DACH2: variants seen among roughly 807,000 people sequenced by gnomAD.
DACH2 encodes dachshund family transcription factor 2, also known as dachshund homolog 2.
Under a neutral mutation model 35.8 loss-of-function variants are expected in DACH2, and 17 were observed. The observed-to-expected ratio is 0.48, with a 90% CI of 0.33 to 0.71. The LOEUF is 0.71. Ranked by LOEUF, DACH2 falls within the 30% of genes least tolerant of loss-of-function variation. The pLI is 0.02. For missense variants in DACH2, 469 were observed against 472.7 expected, an observed-to-expected ratio of 0.99 and a Z score of 0.07; for synonymous variants, 195 against 177.3, an observed-to-expected ratio of 1.10 and a Z score of -0.79.
intron 2 of DACH2, among the ~76,000 whole-genome samples, chrX:86,419,674 T>A (rs1231018000): frequency 8.9e-6 from 1 of 111,922 alleles, no homozygotes; most frequent in Non-Finnish European, 1.9e-5. Context: ...ATGGTTAGCT[T>A]TTGTGATGTA....
chrX:86,568,359 G>T (rs80319591), intron 3 of DACH2, among the ~76,000 whole-genome samples: 2 of 111,099 alleles, frequency 1.8e-5, no homozygotes, highest in African/African-American at 6.5e-5. Flanking sequence ...GTGAGTGACT[G>T]GGAGCCTGCA....
intron 6 of DACH2, among the ~76,000 whole-genome samples, chrX:86,722,116 A>G (rs1293691503): frequency 8.9e-6 from 1 of 111,781 alleles, no homozygotes; most frequent in African/African-American, 3.3e-5. Context: ...GTCTTGTTCC[A>G]GTTCTTAGAA....
At chrX:86,513,853 A>G (rs1319726985) in intron 2 of DACH2, among the ~76,000 whole-genome samples, 2 of 111,058 alleles carry the variant, frequency 1.8e-5, no homozygotes, top group African/African-American at 6.5e-5. Context: ...GCTCTTTACT[A>G]TTCACCTCTG....
At chrX:86,335,828 G>C (rs994240761) in intron 1 of DACH2, among the ~76,000 whole-genome samples, 1 of 111,882 alleles carries the variant, frequency 8.9e-6, no homozygotes, top group South Asian at 3.7e-4. Context: ...TCTTGTGCTG[G>C]TTGTCATAGG....
At chrX:86,292,879 G>A (rs2034339063) in intron 1 of DACH2, among the ~76,000 whole-genome samples, 1 of 107,122 alleles carries the variant, frequency 9.3e-6, no homozygotes, top group Non-Finnish European at 1.9e-5. Flanking sequence ...GTGTGGTGTG[G>A]TGCTGAAGAA....
chrX:86,703,819 A>G, intron 5 of DACH2, among the ~76,000 whole-genome samples: 1 of 112,225 alleles, frequency 8.9e-6, no homozygotes, highest in Non-Finnish European at 1.9e-5. Context: ...GATGACACAA[A>G]CAAATGGAAA....
chrX:86,725,254 T>C (rs1291773), intron 6 of DACH2, among the ~76,000 whole-genome samples: 25,481 of 110,621 alleles, frequency 0.23, 2,426 homozygotes, highest in Admixed American at 0.44. Flanking sequence ...TTCCTTGCTT[T>C]TCATGTTTCC....
intron 1 of DACH2, among the ~76,000 whole-genome samples, chrX:86,365,321 C>A (rs1202585374): frequency 1.2e-5 from 1 of 82,767 alleles, no homozygotes; most frequent in African/African-American, 4.4e-5. Context: ...GAGATAAAGG[C>A]GAAAAACTTG....
chrX:86,544,895 T>C (rs2148303127), intron 3 of DACH2, among the ~76,000 whole-genome samples: 1 of 112,283 alleles, frequency 8.9e-6, no homozygotes, highest in East Asian at 2.8e-4. Flanking sequence ...CTCCACCCCC[T>C]GGGTTCAAGC....
chrX:86,689,106 T>C (rs2040981057), intron 4 of DACH2, among the ~76,000 whole-genome samples: 1 of 111,493 alleles, frequency 9.0e-6, no homozygotes, highest in Non-Finnish European at 1.9e-5. Flanking sequence ...TGTTTTAAAG[T>C]AAAAGAGGAG....
chrX:86,283,122 G>T (rs1269826182), intron 1 of DACH2, among the ~76,000 whole-genome samples: 1 of 97,780 alleles, frequency 1.0e-5, no homozygotes, highest in Non-Finnish European at 2.0e-5. Flanking sequence ...ACAAACATAT[G>T]AGGAAAAGCT....
intron 1 of DACH2, among the ~76,000 whole-genome samples, chrX:86,365,038 T>G (rs2035787866): frequency 8.9e-6 from 1 of 111,825 alleles, no homozygotes; most frequent in Admixed American, 9.5e-5. Context: ...AAAGCCAGAA[T>G]GACTAACAGG....
chrX:86,651,913 C>T (rs2040483064), intron 4 of DACH2, among the ~76,000 whole-genome samples: 1 of 111,329 alleles, frequency 9.0e-6, no homozygotes, highest in Non-Finnish European at 1.9e-5. Context: ...AGGATGGACA[C>T]ATAAATAAAG....
At chrX:86,377,715 T>A (rs2035990012) in intron 2 of DACH2, among the ~76,000 whole-genome samples, 1 of 110,644 alleles carries the variant, frequency 9.0e-6, no homozygotes, top group Non-Finnish European at 1.9e-5. Context: ...ATGCAGGCTT[T>A]ATCCATATTT....
intron 2 of DACH2, among the ~76,000 whole-genome samples, chrX:86,395,810 C>A (rs2036277446): frequency 9.0e-6 from 1 of 111,697 alleles, no homozygotes; most frequent in Non-Finnish European, 1.9e-5. Context: ...GGGTTGGTTC[C>A]AAGTCTTTGC....
At chrX:86,479,561 C>A (rs1016572465) in intron 2 of DACH2, among the ~76,000 whole-genome samples, 1 of 111,821 alleles carries the variant, frequency 8.9e-6, no homozygotes, top group Non-Finnish European at 1.9e-5. Context: ...AATAAATTTT[C>A]TTTCCTTATG....
At chrX:86,770,601 C>T (rs1165070078) in intron 7 of DACH2, among the ~76,000 whole-genome samples, 1 of 100,173 alleles carries the variant, frequency 1.0e-5, no homozygotes, top group Admixed American at 1.0e-4. Context: ...CTGACAGTTT[C>T]TATCATTATT....
intron 3 of DACH2, among the ~76,000 whole-genome samples, chrX:86,562,565 C>T (rs1165169988): frequency 9.0e-6 from 1 of 111,378 alleles, no homozygotes; most frequent in East Asian, 2.9e-4. Context: ...TTTAATGCTG[C>T]TTAAAATTGT....
chrX:86,210,367 G>A, intron 1 of DACH2, among the ~76,000 whole-genome samples: 1 of 111,283 alleles, frequency 9.0e-6, no homozygotes, highest in South Asian at 3.7e-4. Flanking sequence ...CATTTAGGAT[G>A]TGTATAATTT....
Sources: gnomAD v4.1 joint callset for allele counts (sites outside exome capture counted in the v4.1 genomes callset) on GRCh38, gnomAD v4.1.1 for gene constraint, MANE v1.5 for transcripts, NCBI Gene and HGNC (gene_info 2026-07-23, HGNC 2026-07-21) for gene names.